The following SIPA1L1 variants were observed in gnomAD, a reference collection of about 807,000 sequenced individuals.
SIPA1L1 encodes the protein signal induced proliferation associated 1 like 1, also known as signal-induced proliferation-associated 1-like protein 1.
In SIPA1L1, 26 loss-of-function variants were observed where a neutral mutation model predicts 162.7. That is an observed-to-expected ratio of 0.16 (90% confidence interval 0.12 to 0.22). The LOEUF is 0.22. Ranked by LOEUF, SIPA1L1 falls within the 10% of genes least tolerant of loss-of-function variation. The probability of loss-of-function intolerance (pLI) is 1.00; values close to 1 mark genes in which losing one functional copy is unlikely to be tolerated. For synonymous variants in SIPA1L1, 829 were observed against 837.4 expected (o/e 0.99, Z 0.17); for missense variants, 1,874 against 2,241.0 (o/e 0.84, Z 3.31).
chr14:71,546,238 A>G (rs1254258346), intron 4 of SIPA1L1, among the ~76,000 whole-genome samples: 1 of 151,798 alleles, frequency 6.6e-6, no homozygotes, highest in African/African-American at 2.4e-5. Flanking sequence ...ATGTTACTGC[A>G]TTACTCCCAT....
chr14:71,720,091 T>C (rs2083582687), intron 17 of SIPA1L1, among the ~76,000 whole-genome samples: 1 of 152,200 alleles, frequency 6.6e-6, no homozygotes, highest in Admixed American at 6.5e-5. Flanking sequence ...TCCTTGACCT[T>C]TGAGAGTTTG....
intron 5 of SIPA1L1, among the ~76,000 whole-genome samples, chr14:71,596,793 T>G (rs2036088075): frequency 6.6e-6 from 1 of 152,204 alleles, no homozygotes; most frequent in Non-Finnish European, 1.5e-5. Flanking sequence ...TGATGGGTGG[T>G]GAACCCCTGG....
rs2081887037 is a variant in SIPA1L1 at position 71,699,097 on chromosome 14, G to C, written c.3491G>C (p.Gly1164Ala). The C allele has an allele frequency of 6.2e-7, 1 of 1,614,118 alleles. No individual in the cohort carries two copies. Among genetic ancestry groups the C allele is most frequent in the Admixed American group, 1.7e-5 (1 of 60,012 alleles). ...TCCAGTGATACTGGTTCTGTGGGGG[G>C]CACTTACAGGCAGAAGTCCATGCCC... ...SSSSDTGSVG[G>A]TYRQKSMPEG... The change falls in exon 14 of 24, where the codon GGC becomes GCC. Residue 1164 changes from glycine (G) to alanine (A), a missense_variant. Gly to Ala is a moderately conservative substitution (Grantham distance 60). Transcript: ENST00000381232.
At chr14:71,667,792 G>T (rs535778611) in intron 10 of SIPA1L1, among the ~76,000 whole-genome samples, 3 of 152,186 alleles carry the variant, frequency 2.0e-5, no homozygotes, top group African/African-American at 4.8e-5. Context: ...CAGGCCGGGC[G>T]TGTTGGCTCA....
At chr14:71,708,322 C>CTT (rs1174900047) in intron 16 of SIPA1L1, among the ~76,000 whole-genome samples, 1 of 137,508 alleles carries the variant, frequency 7.3e-6, no homozygotes, top group South Asian at 2.3e-4. Flanking sequence ...TTCTTTCTTT[C>CTT]TTTTTTTTTT....
chr14:71,333,428 T>G (rs1480027593), intron 2 of SIPA1L1, among the ~76,000 whole-genome samples: 1 of 152,194 alleles, frequency 6.6e-6, no homozygotes, highest in Non-Finnish European at 1.5e-5. Context: ...AAGTGATATT[T>G]TCATTTTAAC....
chr14:71,590,038 AAAAAAAATATATATATATAT>A (rs1257840100), intron 5 of SIPA1L1, among the ~76,000 whole-genome samples: 32 of 68,098 alleles, frequency 4.7e-4, no homozygotes, highest in Admixed American at 2.2e-3. Flanking sequence ...AAAAAAAAAA[AAAAAAAATATATATATATAT>A]ATATATATAT....
At chr14:71,470,599 G>T (rs1260767215) in intron 2 of SIPA1L1, among the ~76,000 whole-genome samples, 1 of 152,174 alleles carries the variant, frequency 6.6e-6, no homozygotes, top group Non-Finnish European at 1.5e-5. Flanking sequence ...GGAGCTGCTT[G>T]TAGGTCATTG....
At chr14:71,354,058 C>T (rs1357864157) in intron 2 of SIPA1L1, among the ~76,000 whole-genome samples, 1 of 151,742 alleles carries the variant, frequency 6.6e-6, no homozygotes, top group Non-Finnish European at 1.5e-5. Context: ...TTTTTTTCCC[C>T]GTTTCTCTGA....
chr14:71,361,602 C>CT (rs2037821923), intron 2 of SIPA1L1, among the ~76,000 whole-genome samples: 1 of 152,138 alleles, frequency 6.6e-6, no homozygotes, highest in Admixed American at 6.5e-5. Context: ...GGTGGCCTAT[C>CT]AAGGGCCTTT....
rs368186714 is a variant in SIPA1L1, at chr14:71,485,425, C to T, written c.-464-27318C>T. Among the ~76,000 whole-genome samples, 14 of 152,268 alleles carry T rather than the reference C, an allele frequency of 9.2e-5. No individual in the cohort carries two copies. The East Asian group carries it at 1.5e-3, about 17-fold the overall frequency. ...CCATTGCCCATTACCACCTGAGCTC[C>T]GCCTCTTGTCAGATCAGTGGTGGCA... is the stretch of plus-strand genomic sequence containing the variant. On this transcript the variant is annotated intron_variant, in intron 2 of 23. Transcript: ENST00000381232.
chr14:71,683,921 G>A (rs2046034603), intron 12 of SIPA1L1, among the ~76,000 whole-genome samples: 2 of 152,218 alleles, frequency 1.3e-5, no homozygotes. Context: ...GAGGAAGGAT[G>A]CACATCTGTG....
At chr14:71,517,699 C>G (rs1428149379) in intron 3 of SIPA1L1, among the ~76,000 whole-genome samples, 1 of 152,078 alleles carries the variant, frequency 6.6e-6, no homozygotes, top group Admixed American at 6.6e-5. Flanking sequence ...CATTGTTTGA[C>G]TTTTTAAATT....
chr14:71,471,075 ACTTTGTGATCCACC>A (rs1221606396), intron 2 of SIPA1L1, among the ~76,000 whole-genome samples: 1 of 152,206 alleles, frequency 6.6e-6, no homozygotes, highest in African/African-American at 2.4e-5. Flanking sequence ...CTCCTGCCTG[ACTTTGTGATCCACC>A]CACCTGGGTC....
intron 2 of SIPA1L1, among the ~76,000 whole-genome samples, chr14:71,495,886 CAAAAAA>C (rs61183823): frequency 2.1e-4 from 8 of 38,006 alleles, no homozygotes; most frequent in Admixed American, 3.7e-4. Flanking sequence ...TCCATCTCTA[CAAAAAA>C]AAAAAAAAAA....
chr14:71,422,752 G>A (rs969189925), intron 2 of SIPA1L1, among the ~76,000 whole-genome samples: 33 of 152,290 alleles, frequency 2.2e-4, no homozygotes, highest in Admixed American at 1.8e-3. Flanking sequence ...GGTGGCTTCC[G>A]CCTTTTAGCT....
At chr14:71,511,110 C>A (rs1013261191) in intron 2 of SIPA1L1, among the ~76,000 whole-genome samples, 1 of 152,152 alleles carries the variant, frequency 6.6e-6, no homozygotes, top group Non-Finnish European at 1.5e-5. Context: ...AATTAAAGTG[C>A]CTTTTTCCTT....
At chr14:71,729,176 C>T (rs1373586782) in intron 19 of SIPA1L1, among the ~76,000 whole-genome samples, 1 of 152,128 alleles carries the variant, frequency 6.6e-6, no homozygotes, top group African/African-American at 2.4e-5. Context: ...GCTGGGATTA[C>T]AGGCGTGCAC....
intron 2 of SIPA1L1, among the ~76,000 whole-genome samples, chr14:71,381,246 G>A (rs529514065): frequency 3.9e-5 from 6 of 152,052 alleles, no homozygotes; most frequent in Non-Finnish European, 7.4e-5. Context: ...TAGAGACGGG[G>A]TTTCACTGTG....
Sources: gnomAD v4.1 joint callset for allele counts (sites outside exome capture counted in the v4.1 genomes callset) on GRCh38, gnomAD v4.1.1 for gene constraint, MANE v1.5 for transcripts, NCBI Gene and HGNC (gene_info 2026-07-23, HGNC 2026-07-21) for gene names.